Variants in NPSR1 observed in about 807,000 individuals in gnomAD.
The protein encoded by NPSR1 is neuropeptide S receptor.
Under a neutral mutation model 46.9 loss-of-function variants are expected in NPSR1, and 48 were observed. That is an observed-to-expected ratio of 1.02 (90% CI 0.81 to 1.30). The LOEUF (loss-of-function observed/expected upper bound fraction) is 1.30, where lower values mean the gene tolerates loss of function less well. Ranked by LOEUF, NPSR1 falls within the 50% of genes most tolerant of loss-of-function variation. The probability of loss-of-function intolerance (pLI) is 0.00; values close to 1 mark genes in which losing one functional copy is unlikely to be tolerated. For missense variants in NPSR1, 450 were observed against 449.5 expected (o/e 1.00, Z -0.01); for synonymous variants, 176 against 168.1 (o/e 1.05, Z -0.36).
At chr7:34,706,743 G>A (rs922176744) in intron 2 of NPSR1, among the ~76,000 whole-genome samples, 1 of 151,996 alleles carries the variant, frequency 6.6e-6, no homozygotes, top group South Asian at 2.1e-4. Context: ...GGTTTCTTGA[G>A]CTAAAGTTTT....
chr7:34,791,801 T>C (rs1440993658), intron 3 of NPSR1, among the ~76,000 whole-genome samples: 1 of 152,120 alleles, frequency 6.6e-6, no homozygotes, highest in Non-Finnish European at 1.5e-5. Flanking sequence ...CAAAAATATA[T>C]TATGAAGCTA....
At chr7:34,730,755 A>G (rs1784382580) in intron 2 of NPSR1, among the ~76,000 whole-genome samples, 1 of 152,168 alleles carries the variant, frequency 6.6e-6, no homozygotes, top group East Asian at 1.9e-4. Flanking sequence ...CTGTGACATT[A>G]TAATCTATAT....
chr7:34,872,751 C>T (rs1791488020), intron 8 of NPSR1, among the ~76,000 whole-genome samples: 1 of 151,738 alleles, frequency 6.6e-6, no homozygotes, highest in Non-Finnish European at 1.5e-5. Flanking sequence ...TATTCACTAT[C>T]ACAAGAACAG....
At chr7:34,706,694 A>C (rs1409999351) in intron 2 of NPSR1, among the ~76,000 whole-genome samples, 2 of 152,076 alleles carry the variant, frequency 1.3e-5, no homozygotes, top group Non-Finnish European at 2.9e-5. Context: ...AGTGTCCCCA[A>C]AATGTAAAAA....
At chr7:34,782,001 G>A (rs149177685) in intron 3 of NPSR1, among the ~76,000 whole-genome samples, 109 of 152,190 alleles carry the variant, frequency 7.2e-4, no homozygotes, top group African/African-American at 1.9e-3. Context: ...TAATTTATAC[G>A]TATACTATTA....
At chr7:34,739,367 AGAG>A (rs1784829046) in intron 2 of NPSR1, among the ~76,000 whole-genome samples, 1 of 152,244 alleles carries the variant, frequency 6.6e-6, no homozygotes, top group African/African-American at 2.4e-5. Context: ...GCAATGTACA[AGAG>A]TTCTAACATC....
intron 4 of NPSR1, among the ~76,000 whole-genome samples, chr7:34,826,131 C>T (rs1789822746): frequency 6.6e-6 from 1 of 152,152 alleles, no homozygotes; most frequent in Non-Finnish European, 1.5e-5. Context: ...AGGAAAACCT[C>T]TCCCCCTGTC....
At chr7:34,718,002 T>C (rs1783662034) in intron 2 of NPSR1, among the ~76,000 whole-genome samples, 1 of 152,224 alleles carries the variant, frequency 6.6e-6, no homozygotes, top group African/African-American at 2.4e-5. Flanking sequence ...CAACTGTACC[T>C]TATCCTGATG....
intron 2 of NPSR1, among the ~76,000 whole-genome samples, chr7:34,696,113 C>T (rs1000765565): frequency 6.9e-6 from 1 of 144,100 alleles, no homozygotes; most frequent in African/African-American, 2.5e-5. Flanking sequence ...GGTATATATA[C>T]ACCATAGAAT....
At chr7:34,798,631 T>C (rs915869337) in intron 3 of NPSR1, among the ~76,000 whole-genome samples, 2 of 152,340 alleles carry the variant, frequency 1.3e-5, no homozygotes, top group African/African-American at 2.4e-5. Context: ...ATGGATCTAA[T>C]TGGCATTTGT....
At chr7:34,707,768 T>C (rs1020302362) in intron 2 of NPSR1, among the ~76,000 whole-genome samples, 3 of 152,226 alleles carry the variant, frequency 2.0e-5, no homozygotes, top group African/African-American at 7.2e-5. Flanking sequence ...TAAGCCTTGC[T>C]CCCAAGGCTG....
At chr7:34,784,317 G>A (rs1787363616) in intron 3 of NPSR1, among the ~76,000 whole-genome samples, 1 of 152,010 alleles carries the variant, frequency 6.6e-6, no homozygotes, top group Non-Finnish European at 1.5e-5. Context: ...ATTGGCTGTG[G>A]GTTTGTCATA....
chr7:34,660,330 T>C (rs764298133), intron 1 of NPSR1, among the ~76,000 whole-genome samples: 9 of 152,230 alleles, frequency 5.9e-5, no homozygotes, highest in Non-Finnish European at 8.8e-5. Context: ...TACACAGTGA[T>C]TACTGGTGGT....
chr7:34,804,683 G>A (rs1017928556), intron 3 of NPSR1, among the ~76,000 whole-genome samples: 3 of 151,694 alleles, frequency 2.0e-5, no homozygotes, highest in Non-Finnish European at 2.9e-5. Context: ...AATTTAACAG[G>A]ACAAGAAAAG....
intron 4 of NPSR1, among the ~76,000 whole-genome samples, chr7:34,812,326 GA>G (rs35800376): frequency 5.3e-5 from 8 of 150,932 alleles, no homozygotes; most frequent in South Asian, 4.2e-4. Context: ...ATCGTATTGG[GA>G]AAAAAAAATA....
chr7:34,665,775 C>T (rs1229769222), intron 1 of NPSR1, among the ~76,000 whole-genome samples: 2 of 152,104 alleles, frequency 1.3e-5, no homozygotes, highest in African/African-American at 4.8e-5. Context: ...CCTCTCTTGA[C>T]ATGCATGTTC....
At chr7:34,751,412 G>A in intron 2 of NPSR1, 1 of 1,037,940 alleles carries the variant, frequency 9.6e-7, no homozygotes, top group South Asian at 1.3e-5. Context: ...AGCAAGAGTG[G>A]AACAAAGGCA....
chr7:34,691,205 A>C (rs1793232665), intron 2 of NPSR1, among the ~76,000 whole-genome samples: 1 of 152,230 alleles, frequency 6.6e-6, no homozygotes, highest in Admixed American at 6.5e-5. Flanking sequence ...ACTAGACCAG[A>C]CTTACAAGAT....
rs567891455 is a variant in NPSR1, at chr7:34,757,476, G to A, written c.281-20986G>A. On this transcript the variant is annotated intron_variant, in intron 2 of 8. Coordinates refer to ENST00000360581, the MANE Select transcript of NPSR1 (RefSeq NM_207172.2). ...CCAGTGTTTGTTCCCCACTTCCTTA[G>A]TGACAAAGATTAGGCTTAGCTACTT... Among the ~76,000 whole-genome samples the A allele has an allele frequency of 2.0e-5, 3 of 152,274 alleles. No individual in the cohort carries two copies. In the South Asian group the frequency reaches 6.2e-4, roughly 32 times the overall value.
Sources: gnomAD v4.1 joint callset for allele counts (sites outside exome capture counted in the v4.1 genomes callset) on GRCh38, gnomAD v4.1.1 for gene constraint, MANE v1.5 for transcripts, NCBI Gene and HGNC (gene_info 2026-07-23, HGNC 2026-07-21) for gene names.